Variants in PTPRR observed in about 807,000 individuals in gnomAD.
PTPRR encodes protein tyrosine phosphatase receptor type R.
A neutral mutation model predicts 77.2 loss-of-function variants in PTPRR; 38 were observed. The ratio of observed to expected loss-of-function variants is 0.49; its 90% confidence interval spans 0.38 to 0.65. PTPRR has a LOEUF of 0.65. PTPRR is among the 30% of genes least tolerant of loss of function. The probability of loss-of-function intolerance (pLI) is 0.00; values close to 1 mark genes in which losing one functional copy is unlikely to be tolerated. For missense variants in PTPRR, 744 were observed against 799.2 expected (o/e 0.93, Z 0.83); for synonymous variants, 299 against 283.1 (o/e 1.06, Z -0.57).
At chr12:70,742,498 C>T (rs1890079985) in intron 6 of PTPRR, among the ~76,000 whole-genome samples, 1 of 151,910 alleles carries the variant, frequency 6.6e-6, no homozygotes, top group Admixed American at 6.6e-5. Flanking sequence ...AGGATGAGTC[C>T]AAGGGGGTGT....
At chr12:70,801,342 G>T (rs1328403230) in intron 2 of PTPRR, among the ~76,000 whole-genome samples, 2 of 152,168 alleles carry the variant, frequency 1.3e-5, no homozygotes, top group African/African-American at 2.4e-5. Context: ...GACTGTGAGG[G>T]TGTTTCTGGA....
At chr12:70,780,002 T>A (rs1485852957) in intron 2 of PTPRR, among the ~76,000 whole-genome samples, 1 of 152,100 alleles carries the variant, frequency 6.6e-6, no homozygotes, top group African/African-American at 2.4e-5. Context: ...ACTCACTTTT[T>A]TTTTTTTTAA....
chr12:70,777,618 A>G (rs1891117310), intron 2 of PTPRR, among the ~76,000 whole-genome samples: 1 of 152,164 alleles, frequency 6.6e-6, no homozygotes, highest in African/African-American at 2.4e-5. Context: ...CTCCATGATC[A>G]AGATAAGTAA....
chr12:70,651,862 G>C (rs1886406754), intron 13 of PTPRR, among the ~76,000 whole-genome samples: 1 of 151,086 alleles, frequency 6.6e-6, no homozygotes, highest in South Asian at 2.1e-4. Flanking sequence ...CTTGACTTTG[G>C]ACAAGTTACT....
intron 13 of PTPRR, among the ~76,000 whole-genome samples, chr12:70,651,326 G>A (rs1886386778): frequency 6.6e-6 from 1 of 152,212 alleles, no homozygotes; most frequent in Non-Finnish European, 1.5e-5. Context: ...TAGATATGAA[G>A]TGTTATGCCA....
At chr12:70,898,328 C>T (rs996779000) in intron 1 of PTPRR, among the ~76,000 whole-genome samples, 2 of 150,474 alleles carry the variant, frequency 1.3e-5, no homozygotes, top group East Asian at 1.9e-4. Context: ...TAAATGTGAA[C>T]CCAATGCATT....
In PTPRR at chr12:70,741,233, C is replaced by T. The variant is rs183057974; in HGVS notation, c.1007+4585G>A. 6.4e-3 allele frequency among the ~76,000 whole-genome samples: 975 copies of T among 152,292 alleles called. 12 individuals carry two copies. The highest frequency in any genetic ancestry group is 0.023 in the African/African-American group (947 of 41,550). On this transcript the variant is annotated intron_variant, in intron 6 of 13. Transcript: ENST00000283228. Reference sequence around the variant, plus strand: ...GTAACAGATAAGGAGACAATTCAATCATATATGTGTCCTCAAGAAGCTTAG... The same window carrying T: ...GTAACAGATAAGGAGACAATTCAATTATATATGTGTCCTCAAGAAGCTTAG...
intron 2 of PTPRR, among the ~76,000 whole-genome samples, chr12:70,786,979 T>C (rs1185648065): frequency 2.0e-5 from 3 of 152,226 alleles, no homozygotes; most frequent in African/African-American, 7.2e-5. Flanking sequence ...TTCTTTCAAC[T>C]GAAGAAGGAT....
At chr12:70,748,298 C>G (rs542035130) in intron 5 of PTPRR, among the ~76,000 whole-genome samples, 146 of 152,244 alleles carry the variant, frequency 9.6e-4, no homozygotes, top group Middle Eastern at 3.4e-3. Context: ...CTATTGTTTC[C>G]TCCAAAGTCT....
At chr12:70,768,890 C>A (rs1449183922) in intron 2 of PTPRR, among the ~76,000 whole-genome samples, 1 of 151,494 alleles carries the variant, frequency 6.6e-6, no homozygotes, top group East Asian at 1.9e-4. Context: ...AGCATATAAA[C>A]AGAGCCAAAG....
intron 4 of PTPRR, among the ~76,000 whole-genome samples, chr12:70,758,733 A>G (rs1398949773): frequency 6.6e-6 from 1 of 152,144 alleles, no homozygotes; most frequent in Non-Finnish European, 1.5e-5. Context: ...CTAAAGCATA[A>G]GGGGTCTCTT....
intron 6 of PTPRR, among the ~76,000 whole-genome samples, chr12:70,709,621 C>A (rs1888749211): frequency 6.6e-6 from 1 of 152,096 alleles, no homozygotes; most frequent in South Asian, 2.1e-4. Flanking sequence ...AGCGAATAAA[C>A]AACTTCAGCA....
chr12:70,730,730 G>A (rs975838492), intron 6 of PTPRR, among the ~76,000 whole-genome samples: 8 of 151,966 alleles, frequency 5.3e-5, no homozygotes, highest in Non-Finnish European at 1.0e-4. Flanking sequence ...AGGCTGGGGC[G>A]AGTGGACTAC....
At chr12:70,728,610 A>G (rs1441756953) in intron 6 of PTPRR, among the ~76,000 whole-genome samples, 1 of 146,910 alleles carries the variant, frequency 6.8e-6, no homozygotes, top group Non-Finnish European at 1.5e-5. Flanking sequence ...CTGAAATTCT[A>G]CAGTGATCCT....
At chr12:70,717,189 C>T (rs1889063676) in intron 6 of PTPRR, among the ~76,000 whole-genome samples, 1 of 152,112 alleles carries the variant, frequency 6.6e-6, no homozygotes, top group South Asian at 2.1e-4. Context: ...ATCTGGACAA[C>T]TCTTAATTTC....
At chr12:70,864,990 T>A (rs530434833) in intron 2 of PTPRR, among the ~76,000 whole-genome samples, 7 of 152,226 alleles carry the variant, frequency 4.6e-5, no homozygotes, top group African/African-American at 1.7e-4. Flanking sequence ...TTTTTTTGTA[T>A]TTTTAGTACA....
chr12:70,898,507 T>C (rs1057172698), intron 1 of PTPRR, among the ~76,000 whole-genome samples: 3 of 148,258 alleles, frequency 2.0e-5, no homozygotes, highest in African/African-American at 7.4e-5. Flanking sequence ...ATATTACATA[T>C]TCAATAAATA....
intron 2 of PTPRR, among the ~76,000 whole-genome samples, chr12:70,881,011 ACTG>A (rs770262510): frequency 9.2e-5 from 14 of 152,188 alleles, no homozygotes; most frequent in Non-Finnish European, 1.5e-5. Context: ...ACACACAATG[ACTG>A]CTGATTTTTT....
intron 2 of PTPRR, among the ~76,000 whole-genome samples, chr12:70,770,557 T>A (rs1359315216): frequency 6.6e-6 from 1 of 152,218 alleles, no homozygotes; most frequent in Non-Finnish European, 1.5e-5. Flanking sequence ...TTTATACTGT[T>A]GGTGGGACTG....
Sources: gnomAD v4.1 joint callset for allele counts (sites outside exome capture counted in the v4.1 genomes callset) on GRCh38, gnomAD v4.1.1 for gene constraint, MANE v1.5 for transcripts, NCBI Gene and HGNC (gene_info 2026-07-23, HGNC 2026-07-21) for gene names.